The following MAP2 variants were observed in gnomAD, a reference collection of about 807,000 sequenced individuals.
MAP2 encodes the protein microtubule associated protein 2.
Under a neutral mutation model 137.6 loss-of-function variants are expected in MAP2, and 14 were observed. The observed-to-expected ratio is 0.10, with a 90% CI of 0.07 to 0.16. MAP2 has a LOEUF of 0.16. Ranked by LOEUF, MAP2 falls within the 10% of genes least tolerant of loss-of-function variation. The probability of loss-of-function intolerance (pLI) is 1.00; values close to 1 mark genes in which losing one functional copy is unlikely to be tolerated. For missense variants in MAP2, 2,088 were observed against 2,191.5 expected (o/e 0.95, Z 0.94); for synonymous variants, 786 against 782.3 (o/e 1.00, Z -0.08).
Position 209,497,332 on chromosome 2 carries a change from G to A in MAP2, c.-221-10260G>A, listed in dbSNP as rs551873046. 1.3e-3 allele frequency among the ~76,000 whole-genome samples: 199 copies of A among 152,274 alleles called. 1 individual carries two copies. Among genetic ancestry groups the A allele is most frequent in the Non-Finnish European group, 2.5e-3 (172 of 68,024 alleles). On this transcript the variant is annotated intron_variant, in intron 1 of 15. Coordinates refer to ENST00000682079, the MANE Select transcript of MAP2 (RefSeq NM_001375505.1). ...TCATGTCTTTCTTTCTCCGCCATGTGAGGATATAGTGAGAATGTGGCTGTC... is the reference window on the plus strand; with the variant it reads ...TCATGTCTTTCTTTCTCCGCCATGTAAGGATATAGTGAGAATGTGGCTGTC...
chr2:209,575,518 CAAAAAAAAAAA>C (rs71043942), intron 2 of MAP2, among the ~76,000 whole-genome samples: 2 of 28,374 alleles, frequency 7.0e-5, no homozygotes, highest in South Asian at 1.4e-3. Context: ...GACTCCATCT[CAAAAAAAAAAA>C]AAAAAAAAAA....
rs150824933 is a variant in MAP2, at chr2:209,718,840, T to A, written c.5074-6869T>A. Among the ~76,000 whole-genome samples the A allele has an allele frequency of 5.0e-3, 755 of 152,326 alleles. 7 individuals carry two copies. Among genetic ancestry groups the A allele is most frequent in the African/African-American group, 0.017 (687 of 41,568 alleles). On this transcript the variant is annotated intron_variant, in intron 13 of 15. Coordinates refer to ENST00000682079, the MANE Select transcript of MAP2 (RefSeq NM_001375505.1). ...GATGATTAAAATTCTGATTATAATGTCTGCATACATTTTAACCAGAGTGCA... is the reference window on the plus strand; with the variant it reads ...GATGATTAAAATTCTGATTATAATGACTGCATACATTTTAACCAGAGTGCA...
In MAP2 at chr2:209,527,564, G is replaced by A. The variant is rs117231602; in HGVS notation, c.-172+19923G>A. Reference sequence around the variant, plus strand: ...TAGCAGCTTTCTTCACAACAATGAGGTTACATACTTGATTAAGGAACCATC... The same window carrying A: ...TAGCAGCTTTCTTCACAACAATGAGATTACATACTTGATTAAGGAACCATC... On this transcript the variant is annotated intron_variant, in intron 2 of 15. Coordinates refer to ENST00000682079, the MANE Select transcript of MAP2 (RefSeq NM_001375505.1). Among the ~76,000 whole-genome samples the A allele has an allele frequency of 5.1e-4, 78 of 152,206 alleles. No homozygotes were observed. In the East Asian group the frequency reaches 0.014, roughly 28 times the overall value.
chr2:209,581,256 TGA>T (rs1043094317), intron 3 of MAP2, among the ~76,000 whole-genome samples: 1 of 152,054 alleles, frequency 6.6e-6, no homozygotes, highest in African/African-American at 2.4e-5. Flanking sequence ...GTAATTATTG[TGA>T]GAGAGAGAGG....
At chr2:209,477,826 C>T (rs903079840) in intron 1 of MAP2, among the ~76,000 whole-genome samples, 4 of 150,616 alleles carry the variant, frequency 2.7e-5, no homozygotes, top group Non-Finnish European at 4.4e-5. Flanking sequence ...AGTGAGGCCT[C>T]CTCTATACAA....
At chr2:209,598,988 A>T (rs1176742836) in intron 3 of MAP2, among the ~76,000 whole-genome samples, 1 of 151,954 alleles carries the variant, frequency 6.6e-6, no homozygotes, top group Admixed American at 6.6e-5. Flanking sequence ...GGGTCAAATG[A>T]TATTTCTAGT....
intron 3 of MAP2, among the ~76,000 whole-genome samples, chr2:209,614,892 C>T (rs1221923148): frequency 1.3e-5 from 2 of 152,164 alleles, no homozygotes; most frequent in African/African-American, 2.4e-5. Flanking sequence ...GTAAACTCTT[C>T]CGCAAGACTC....
At chr2:209,476,397 GTT>G (rs5838170) in intron 1 of MAP2, among the ~76,000 whole-genome samples, 3 of 143,682 alleles carry the variant, frequency 2.1e-5, no homozygotes, top group Admixed American at 1.4e-4. Flanking sequence ...GTTTTTCTTA[GTT>G]TTTTTTTTTT....
At chr2:209,424,689 C>T (rs1438867177) in intron 1 of MAP2, among the ~76,000 whole-genome samples, 2 of 152,128 alleles carry the variant, frequency 1.3e-5, no homozygotes, top group Admixed American at 6.5e-5. Context: ...TTTTGTTCAT[C>T]CAGCTGCAGA....
chr2:209,487,750 A>G (rs2058566791), intron 1 of MAP2, among the ~76,000 whole-genome samples: 1 of 152,212 alleles, frequency 6.6e-6, no homozygotes, highest in Non-Finnish European at 1.5e-5. Flanking sequence ...TTATCCACAT[A>G]AATACAGCAT....
At chr2:209,536,867 C>G (rs568081827) in intron 2 of MAP2, among the ~76,000 whole-genome samples, 1 of 152,272 alleles carries the variant, frequency 6.6e-6, no homozygotes, top group Admixed American at 6.5e-5. Context: ...CATCTTCACC[C>G]TTTGTTTCAA....
In MAP2 at chr2:209,693,201, T is replaced by A; in HGVS notation, c.1031T>A (p.Phe344Tyr). Reference protein sequence around the residue: ...VTETSPFAPAFLQPDDKKSLQ... With the variant: ...VTETSPFAPAYLQPDDKKSLQ... ...GAAACATCGCCCTTTGCCCCTGCCT[T>A]TTTACAGCCAGATGACAAAAAATCT... The change falls in exon 8 of 16, where the codon TTT becomes TAT. Residue 344 changes from phenylalanine (F) to tyrosine (Y), a missense_variant. Physicochemically the swap from Phe to Tyr is conservative, Grantham distance 22 (BLOSUM62 3). Around this residue, in one of 6 missense-constraint regions of MAP2, gnomAD observed 859 missense variants for 794.5 expected, o/e 1.08. Transcript: ENST00000682079. The A allele has an allele frequency of 6.2e-7, 1 of 1,612,596 alleles. No homozygotes were observed. The highest frequency in any genetic ancestry group is 8.5e-7 in the Non-Finnish European group (1 of 1,179,658).
At chr2:209,499,998 G>C (rs1213841155) in intron 1 of MAP2, among the ~76,000 whole-genome samples, 3 of 152,074 alleles carry the variant, frequency 2.0e-5, no homozygotes, top group African/African-American at 7.2e-5. Context: ...AGTCTCAGCA[G>C]ACTAATACAC....
intron 1 of MAP2, among the ~76,000 whole-genome samples, chr2:209,492,084 A>G (rs1206212839): frequency 1.3e-5 from 2 of 152,108 alleles, no homozygotes; most frequent in Non-Finnish European, 2.9e-5. Context: ...CACATCAAAA[A>G]CTTATCGACT....
At chr2:209,565,475 C>T (rs1475052385) in intron 2 of MAP2, among the ~76,000 whole-genome samples, 1 of 152,048 alleles carries the variant, frequency 6.6e-6, no homozygotes, top group Non-Finnish European at 1.5e-5. Context: ...CCACTTCGGT[C>T]TCCCAAAGTG....
intron 1 of MAP2, among the ~76,000 whole-genome samples, chr2:209,433,671 G>T (rs1393275488): frequency 2.6e-5 from 4 of 152,044 alleles, no homozygotes; most frequent in Non-Finnish European, 5.9e-5. Flanking sequence ...TCACAAGAGA[G>T]AAATAATTTA....
At chr2:209,611,477 T>C (rs1314270874) in intron 3 of MAP2, among the ~76,000 whole-genome samples, 1 of 151,706 alleles carries the variant, frequency 6.6e-6, no homozygotes, top group Non-Finnish European at 1.5e-5. Flanking sequence ...AAAATATATA[T>C]ATAATATAAT....
intron 2 of MAP2, among the ~76,000 whole-genome samples, chr2:209,578,422 A>G (rs2075692840): frequency 6.6e-6 from 1 of 151,310 alleles, no homozygotes; most frequent in Admixed American, 6.6e-5. Flanking sequence ...CAAGAAGGAA[A>G]AAAAAAAAAA....
intron 4 of MAP2, 39 bp downstream of exon 4, chr2:209,625,168 G>A (rs1479295059): frequency 6.6e-6 from 1 of 152,112 alleles, no homozygotes; most frequent in Non-Finnish European, 1.5e-5. Flanking sequence ...ACCTACAAGT[G>A]TGAAAAATAA....
Sources: allele counts gnomAD v4.1 joint callset (sites outside exome capture counted in the v4.1 genomes callset), GRCh38; gene constraint gnomAD v4.1.1; regional missense constraint gnomAD v4.1.1; transcripts MANE v1.5; gene names NCBI Gene and HGNC (gene_info 2026-07-23, HGNC 2026-07-21).